The following TMEM62 variants were observed in gnomAD, a reference collection of about 807,000 sequenced individuals.
TMEM62 encodes transmembrane protein 62.
A neutral mutation model predicts 70.4 loss-of-function variants in TMEM62; 41 were observed. The ratio of observed to expected loss-of-function variants is 0.58; its 90% CI spans 0.45 to 0.76. The LOEUF (loss-of-function observed/expected upper bound fraction) is 0.76. Among genes scored for constraint, TMEM62 ranks in the 30% least tolerant of loss-of-function variants. The pLI is 0.00. For missense variants in TMEM62, 688 were observed against 788.5 expected, an observed-to-expected ratio of 0.87 and a Z score of 1.53; for synonymous variants, 268 against 291.0, an observed-to-expected ratio of 0.92 and a Z score of 0.80.
intron 10 of TMEM62, among the ~76,000 whole-genome samples, chr15:43,162,936 A>G (rs1336885029): frequency 6.6e-6 from 1 of 151,674 alleles, no homozygotes; most frequent in Non-Finnish European, 1.5e-5. Context: ...ACATAATTAC[A>G]TAAATTATTT....
intron 4 of TMEM62, among the ~76,000 whole-genome samples, chr15:43,144,870 T>C (rs1272117335): frequency 1.3e-5 from 2 of 152,158 alleles, no homozygotes; most frequent in Non-Finnish European, 2.9e-5. Flanking sequence ...AAGTGAATAG[T>C]CACTTTAAAG....
chr15:43,184,971 T>G lies in TMEM62; in HGVS notation c.*385T>G, dbSNP rs985196005. On this transcript the variant is annotated 3_prime_UTR_variant, in exon 14 of 14. Coordinates refer to ENST00000260403, the MANE Select transcript of TMEM62 (RefSeq NM_024956.4). ...ACCGCTGTGCTTGGAATTCAGCAGC[T>G]GTCAAAGGTGCAATTTCAGGGGCAG... 1.2e-5 allele frequency: 3 copies of G among 259,890 alleles called. No homozygotes were observed. Among genetic ancestry groups the G allele is most frequent in the African/African-American group, 6.8e-5 (3 of 44,430 alleles). The allele number at this position is 259,890 out of a possible 1,614,324, so 16.1% of individuals were successfully genotyped here. A position where few individuals can be genotyped will look rare whatever the true frequency, so the allele number is the denominator to read the frequency against.
At chr15:43,138,137 A>G (rs1297117427) in intron 3 of TMEM62, among the ~76,000 whole-genome samples, 1 of 152,104 alleles carries the variant, frequency 6.6e-6, no homozygotes, top group African/African-American at 2.4e-5. Flanking sequence ...TTTTAGCCAG[A>G]CTAGGGTCTA....
At chr15:43,141,345 A>G (rs1172337119) in intron 4 of TMEM62, among the ~76,000 whole-genome samples, 1 of 152,206 alleles carries the variant, frequency 6.6e-6, no homozygotes, top group African/African-American at 2.4e-5. Context: ...GTTATGCTAA[A>G]TCTACTCTGC....
At chr15:43,166,812 G>C (rs1462869745) in intron 10 of TMEM62, among the ~76,000 whole-genome samples, 4 of 152,144 alleles carry the variant, frequency 2.6e-5, no homozygotes, top group African/African-American at 7.2e-5. Context: ...ATTCAACCCT[G>C]AGTGGATACA....
rs2039007143 is a variant in TMEM62 at position 43,163,535 on chromosome 15, C to G, written c.1296+2741C>G. ...CGGTGGCTCAAGCCTGTAATCCCAGCACTTTGGGAGGCTGAGGCGGGCGGA... is the reference window on the plus strand; with the variant it reads ...CGGTGGCTCAAGCCTGTAATCCCAGGACTTTGGGAGGCTGAGGCGGGCGGA... On this transcript the variant is annotated intron_variant, in intron 10 of 13. Transcript: ENST00000260403. 3.3e-5 allele frequency among the ~76,000 whole-genome samples: 5 copies of G among 152,198 alleles called. No homozygotes were observed. In the South Asian group the frequency reaches 8.3e-4, roughly 25 times the overall value.
chr15:43,178,648 G>A lies in TMEM62; in HGVS notation c.1423G>A (p.Val475Ile), dbSNP rs1470480026. The change falls in exon 12 of 14, where the codon GTC becomes ATC. Residue 475 changes from valine (V) to isoleucine (I), a missense_variant. Physicochemically the swap from Val to Ile is conservative, Grantham distance 29 (BLOSUM62 3). Transcript: ENST00000260403. The part of the protein sequence containing the change: ...FINLTSFSLH[V>I]LSKINIFYYS... ...AAATCTGACCTCATTTTCTCTTCAT[G>A]TCTTGAGCAAAATAAACATCTTCTA... is the stretch of plus-strand genomic sequence containing the variant. 2 of 1,613,072 alleles carry A rather than the reference G, an allele frequency of 1.2e-6. No individual in the cohort carries two copies. The highest frequency in any genetic ancestry group is 1.7e-6 in the Non-Finnish European group (2 of 1,179,382).
intron 9 of TMEM62, among the ~76,000 whole-genome samples, chr15:43,155,485 G>A (rs530481174): frequency 4.6e-5 from 7 of 152,074 alleles, no homozygotes; most frequent in Non-Finnish European, 1.0e-4. Flanking sequence ...AACAAAGCGA[G>A]ACCCTATCTC....
intron 10 of TMEM62, among the ~76,000 whole-genome samples, chr15:43,167,055 C>T (rs959177956): frequency 2.0e-5 from 3 of 152,332 alleles, no homozygotes; most frequent in African/African-American, 7.2e-5. Context: ...GTTGGGTACA[C>T]CTCCCAGACG....
At chr15:43,140,893 G>A (rs1701745383) in intron 4 of TMEM62, among the ~76,000 whole-genome samples, 1 of 152,184 alleles carries the variant, frequency 6.6e-6, no homozygotes, top group Non-Finnish European at 1.5e-5. Flanking sequence ...AGTGGGTGAG[G>A]GATGAATCCA....
At chr15:43,177,089 G>A (rs1259718490) in intron 11 of TMEM62, among the ~76,000 whole-genome samples, 2 of 152,034 alleles carry the variant, frequency 1.3e-5, no homozygotes, top group Non-Finnish European at 2.9e-5. Flanking sequence ...GGGTATCAGC[G>A]ATGGAAGATG....
Position 43,184,612 on chromosome 15 carries a change from G to T in TMEM62, c.*26G>T. ...AGGCCATGTCTCACCACTGGCAGCT[G>T]GGCAGAAGCCCAGCCTCTGTGTCTG... On this transcript the variant is annotated 3_prime_UTR_variant, in exon 14 of 14. Coordinates refer to ENST00000260403, the MANE Select transcript of TMEM62 (RefSeq NM_024956.4). 2 of 1,595,952 alleles carry T rather than the reference G, an allele frequency of 1.3e-6. No homozygotes were observed.
chr15:43,151,113 G>A lies in TMEM62; in HGVS notation c.867-677G>A, dbSNP rs144534556. Among the ~76,000 whole-genome samples the A allele has an allele frequency of 1.9e-3, 286 of 152,280 alleles. 5 individuals carry two copies. The South Asian group carries it at 0.037, about 20-fold the overall frequency. On this transcript the variant is annotated intron_variant, in intron 7 of 13. Coordinates refer to ENST00000260403, the MANE Select transcript of TMEM62 (RefSeq NM_024956.4). ...TAATCCCAGCACTTTGGGAAGCCAA[G>A]GTGAGGGGGATCACCTGCGGTCAGG...
In TMEM62 at chr15:43,151,847, G is replaced by A. The variant is rs770250209; in HGVS notation, c.924G>A (p.Gly308=). ...DLFSFADLIF[G]KWPVVLITNP... is the part of the protein sequence containing the mutation. ...TTAGCTTTGCAGATTTGATCTTTGG[G>A]AAGTGGCCTGTGGTTCTTATCACCA... Residue 308 remains glycine, a synonymous_variant, in exon 8 of 14, where the codon GGG becomes GGA. Transcript: ENST00000260403. 6.2e-7 allele frequency: 1 copy of A among 1,613,890 alleles called. No individual in the cohort carries two copies. Among genetic ancestry groups the A allele is most frequent in the South Asian group, 1.1e-5 (1 of 91,054 alleles).
In TMEM62 at chr15:43,154,759, T is replaced by G; in HGVS notation, c.1110T>G (p.Gly370=). 1 of 1,614,004 alleles carries G rather than the reference T, an allele frequency of 6.2e-7. No homozygotes were observed. The highest frequency in any genetic ancestry group is 2.2e-5 in the East Asian group (1 of 44,868). ...VHLGQAVHVS[G]PIFVLKWNPR... ...TAGGCCAGGCTGTTCATGTGTCTGG[T>G]CCCATTTTCGTACTGAAGTGGAATC... is the stretch of plus-strand genomic sequence containing the variant. The change falls in exon 9 of 14, where the codon GGT becomes GGG. Residue 370 remains glycine, a synonymous_variant. Transcript: ENST00000260403.
Position 43,149,167 on chromosome 15 carries a change from C to T in TMEM62, c.866+16C>T. On this transcript the variant is annotated intron_variant, in intron 7 of 13. Transcript: ENST00000260403. ...ATAATAGGAGGTAAGGGAACCTCCC[C>T]ATAGAAGAAAACTTATACACATAAG... 3 of 1,612,788 alleles carry T rather than the reference C, an allele frequency of 1.9e-6. No individual in the cohort carries two copies. Among genetic ancestry groups the T allele is most frequent in the Non-Finnish European group, 2.5e-6 (3 of 1,179,422 alleles).
Position 43,154,784 on chromosome 15 carries a change from C to G in TMEM62, c.1135C>G (p.Pro379Ala). ...SGPIFVLKWN[P>A]RNYSSGTHNI... ...TCCCATTTTCGTACTGAAGTGGAAT[C>G]CTAGAAACTACAGTAGTGGGACACA... The change falls in exon 9 of 14, where the codon CCT becomes GCT. Residue 379 changes from proline (P) to alanine (A), a missense_variant. Coordinates refer to ENST00000260403, the MANE Select transcript of TMEM62 (RefSeq NM_024956.4). 6.2e-7 allele frequency: 1 copy of G among 1,613,802 alleles called. No homozygotes were observed. The highest frequency in any genetic ancestry group is 8.5e-7 in the Non-Finnish European group (1 of 1,179,848).
At chr15:43,171,728 T>A (rs62019371) in intron 11 of TMEM62, among the ~76,000 whole-genome samples, 3 of 150,722 alleles carry the variant, frequency 2.0e-5, no homozygotes, top group Non-Finnish European at 3.0e-5. Flanking sequence ...CCTGGGTTCA[T>A]GCCATTCTCC....
chr15:43,181,375 CA>C, intron 13 of TMEM62, 76 bp downstream of exon 13: 1 of 941,210 alleles, frequency 1.1e-6, no homozygotes, highest in Non-Finnish European at 1.7e-6. Flanking sequence ...GAATTAAATC[CA>C]AAATCCAGAA....
Sources: allele counts gnomAD v4.1 joint callset (sites outside exome capture counted in the v4.1 genomes callset), GRCh38; gene constraint gnomAD v4.1.1; transcripts MANE v1.5; gene names NCBI Gene and HGNC (gene_info 2026-07-23, HGNC 2026-07-21).